The following PAWR variants were observed in gnomAD, a reference collection of about 807,000 sequenced individuals.
PAWR encodes PRKC apoptosis WT1 regulator protein.
Under a neutral mutation model 32.0 loss-of-function variants are expected in PAWR, and 23 were observed. The observed-to-expected ratio is 0.72, with a 90% CI of 0.52 to 1.02. The LOEUF (loss-of-function observed/expected upper bound fraction) is 1.02, where lower values mean the gene tolerates loss of function less well. Among genes scored for constraint, PAWR ranks in the 50% least tolerant of loss-of-function variants. The probability of loss-of-function intolerance (pLI) is 0.00; values close to 1 mark genes in which losing one functional copy is unlikely to be tolerated. For missense variants in PAWR, 457 were observed against 437.7 expected, an observed-to-expected ratio of 1.04 and a Z score of -0.39; for synonymous variants, 226 against 187.1, an observed-to-expected ratio of 1.21 and a Z score of -1.70.
At chr12:79,651,795 T>C (rs918286638) in intron 2 of PAWR, among the ~76,000 whole-genome samples, 2 of 152,028 alleles carry the variant, frequency 1.3e-5, no homozygotes, top group South Asian at 2.1e-4. Flanking sequence ...TGTAAGCCGA[T>C]AGAAGGCAAC....
chr12:79,614,805 A>G (rs547931111), intron 3 of PAWR, among the ~76,000 whole-genome samples: 2 of 152,312 alleles, frequency 1.3e-5, no homozygotes, highest in Non-Finnish European at 2.9e-5. Flanking sequence ...TGATGCGATA[A>G]AAGACTAGCA....
rs1878989127 is a variant in PAWR, at chr12:79,690,867, C to T, written c.-148+5G>A. The T allele has an allele frequency of 6.6e-6, 1 of 152,244 alleles. No individual in the cohort carries two copies. The highest frequency in any genetic ancestry group is 2.4e-5 in the African/African-American group (1 of 41,458). The allele number at this position is 152,244 out of a possible 1,614,324, so 9.4% of individuals were successfully genotyped here. On this transcript the variant is annotated splice_donor_5th_base_variant and intron_variant, in intron 1 of 6. Transcript: ENST00000328827. ...GAAAGGACCGGGTGTGAGCGAGCGC[C>T]TTACCTTGGAGGAGCTTGTAGGGGA...
At chr12:79,604,220 C>G in intron 4 of PAWR, 1 of 981,502 alleles carries the variant, frequency 1.0e-6, no homozygotes, top group Non-Finnish European at 1.2e-6. Flanking sequence ...ACATAAATCT[C>G]TAATACGATC....
intron 2 of PAWR, among the ~76,000 whole-genome samples, chr12:79,677,521 T>C (rs1278586236): frequency 1.3e-5 from 2 of 152,194 alleles, no homozygotes; most frequent in South Asian, 2.1e-4. Flanking sequence ...AGAATGTACA[T>C]AGAATATAAT....
rs768441200 is a variant in PAWR, at chr12:79,621,220, AAG to A, written c.517-15_517-14del. ...ACTCATCTAAGCACTGAAAGAAAAA[AAG>A]AGTTTCCATTTTATTTCTACTATTA... On this transcript the variant is annotated splice_polypyrimidine_tract_variant and intron_variant, in intron 2 of 6. Transcript: ENST00000328827. 6.9e-6 allele frequency: 11 copies of A among 1,584,366 alleles called. No homozygotes were observed. Among genetic ancestry groups the A allele is most frequent in the East Asian group, 4.5e-5 (2 of 44,632 alleles).
intron 2 of PAWR, among the ~76,000 whole-genome samples, chr12:79,661,981 C>A (rs1224570362): frequency 6.6e-6 from 1 of 151,982 alleles, no homozygotes; most frequent in African/African-American, 2.4e-5. Flanking sequence ...AAAAAAGATT[C>A]TCATACCCAA....
At chr12:79,678,367 C>G (rs1452044167) in intron 2 of PAWR, among the ~76,000 whole-genome samples, 1 of 152,222 alleles carries the variant, frequency 6.6e-6, no homozygotes, top group Non-Finnish European at 1.5e-5. Flanking sequence ...CCATATCAAT[C>G]CTCTTTAACT....
chr12:79,651,510 A>C (rs1876843200), intron 2 of PAWR, among the ~76,000 whole-genome samples: 1 of 152,146 alleles, frequency 6.6e-6, no homozygotes, highest in African/African-American at 2.4e-5. Flanking sequence ...CAGGTATTTC[A>C]GTTTAGATCT....
In PAWR at chr12:79,585,336, G is replaced by T; in HGVS notation, c.*7271C>A. 4.2e-6 allele frequency: 1 copy of T among 238,970 alleles called. No homozygotes were observed. The highest frequency in any genetic ancestry group is 8.3e-6 in the Non-Finnish European group (1 of 120,470). 14.8% of individuals were successfully genotyped at this position (238,970 alleles called of 1,614,324 possible). On this transcript the variant is annotated 3_prime_UTR_variant, in exon 7 of 7. Coordinates refer to ENST00000328827, the MANE Select transcript of PAWR (RefSeq NM_002583.4). ...AGATTGAGCCCCATCTGCAAAGTTT[G>T]TGACTCAAGTGTTGGGTGGGGCCAA...
Position 79,594,374 on chromosome 12 carries a change from C to G in PAWR, c.891G>C (p.Glu297Asp). 1 of 1,560,726 alleles carries G rather than the reference C, an allele frequency of 6.4e-7. No homozygotes were observed. Among genetic ancestry groups the G allele is most frequent in the Non-Finnish European group, 8.8e-7 (1 of 1,139,500 alleles). ...LRLVRLMQDK[E>D]EMIGKLKEEI... ...CTTCTTTGAGTTTTCCAATCATTTC[C>G]TCTTTATCTTGCATCAGTCTCACAA... The change falls in exon 6 of 7, where the codon GAG (glutamate) becomes GAC (aspartate). Residue 297 changes from glutamate (E) to aspartate (D), a missense_variant. Glu to Asp is a conservative substitution (Grantham distance 45). Coordinates refer to ENST00000328827, the MANE Select transcript of PAWR (RefSeq NM_002583.4).
In PAWR at chr12:79,613,893, T is replaced by C. The variant is rs1592501197; in HGVS notation, c.649-284A>G. Reference sequence around the variant, plus strand: ...TCACTCATCATCCACTCAGCTTAAATCCTCTTGAAAGTCAAGGGGCATTAA... The same window carrying C: ...TCACTCATCATCCACTCAGCTTAAACCCTCTTGAAAGTCAAGGGGCATTAA... On this transcript the variant is annotated intron_variant, in intron 3 of 6. Transcript: ENST00000328827. Among the ~76,000 whole-genome samples the C allele has an allele frequency of 6.5e-5, 8 of 122,206 alleles. 1 individual carries two copies. The highest frequency in any genetic ancestry group is 5.8e-4 in the Admixed American group (6 of 10,326). The allele number at this position is 122,206 out of a possible 152,430, so 80.2% of individuals were successfully genotyped here.
At chr12:79,661,690 T>C (rs117189359) in intron 2 of PAWR, among the ~76,000 whole-genome samples, 4 of 152,260 alleles carry the variant, frequency 2.6e-5, no homozygotes, top group Non-Finnish European at 5.9e-5. Flanking sequence ...TTACATACAT[T>C]AGACCAAAGC....
chr12:79,617,331 G>A (rs756016965), intron 3 of PAWR, among the ~76,000 whole-genome samples: 1 of 152,076 alleles, frequency 6.6e-6, no homozygotes, highest in Non-Finnish European at 1.5e-5. Context: ...CAGCCTGGGT[G>A]GCAGAGCAAG....
intron 2 of PAWR, among the ~76,000 whole-genome samples, chr12:79,644,100 G>A (rs574743840): frequency 1.1e-4 from 17 of 152,260 alleles, no homozygotes; most frequent in Non-Finnish European, 2.2e-4. Context: ...TGCTTATTAT[G>A]TGGTTTCTCT....
At chr12:79,650,694 C>T (rs1194137984) in intron 2 of PAWR, among the ~76,000 whole-genome samples, 1 of 124,112 alleles carries the variant, frequency 8.1e-6, no homozygotes, top group African/African-American at 3.0e-5. Flanking sequence ...TACTCAAGTT[C>T]AACAGAGCTT....
chr12:79,651,356 A>G (rs778581346), intron 2 of PAWR, among the ~76,000 whole-genome samples: 35 of 152,250 alleles, frequency 2.3e-4, no homozygotes, highest in Non-Finnish European at 4.1e-4. Flanking sequence ...CTCCAAAAAA[A>G]GTAAATTATA....
intron 2 of PAWR, among the ~76,000 whole-genome samples, chr12:79,633,294 G>C (rs1875802636): frequency 6.6e-6 from 1 of 151,868 alleles, no homozygotes; most frequent in African/African-American, 2.4e-5. Context: ...TGAGCTCTTA[G>C]AACACAATTA....
intron 2 of PAWR, 53 bp downstream of exon 2, chr12:79,689,676 G>A: frequency 6.6e-7 from 1 of 1,517,866 alleles, no homozygotes; most frequent in South Asian, 1.2e-5. Flanking sequence ...GAAGACACCG[G>A]GAGGCAGCTG....
At chr12:79,690,674 T>A (rs1878975582) in intron 1 of PAWR, 198 bp downstream of exon 1, 2 of 153,996 alleles carry the variant, frequency 1.3e-5, no homozygotes, top group African/African-American at 4.9e-5. Flanking sequence ...GCGGTCGAGA[T>A]ACTAGGGCTA....
Sources: allele counts gnomAD v4.1 joint callset (sites outside exome capture counted in the v4.1 genomes callset), GRCh38; gene constraint gnomAD v4.1.1; transcripts MANE v1.5; gene names NCBI Gene and HGNC (gene_info 2026-07-23, HGNC 2026-07-21).